Variants in HPGDS observed in about 807,000 individuals in gnomAD.
The protein encoded by HPGDS is GST class-sigma.
A neutral mutation model predicts 23.1 loss-of-function variants in HPGDS; 26 were observed. The ratio of observed to expected loss-of-function variants is 1.13; its 90% confidence interval spans 0.83 to 1.56. HPGDS has a LOEUF of 1.56. Ranked by LOEUF, HPGDS falls within the 40% of genes most tolerant of loss-of-function variation. The probability of loss-of-function intolerance (pLI) is 0.00; values close to 1 mark genes in which losing one functional copy is unlikely to be tolerated. For missense variants in HPGDS, 268 were observed against 236.4 expected (o/e 1.13, Z -0.88); for synonymous variants, 95 against 77.9 (o/e 1.22, Z -1.16).
At chr4:94,332,367 A>G (rs1182690827) in intron 2 of HPGDS, among the ~76,000 whole-genome samples, 1 of 152,206 alleles carries the variant, frequency 6.6e-6, no homozygotes, top group Non-Finnish European at 1.5e-5. Context: ...GAACCAAAAA[A>G]GGCTGTCGCA....
At chr4:94,342,673 T>C (rs1212795040) in intron 1 of HPGDS, 122 bp downstream of exon 1, 1 of 152,170 alleles carries the variant, frequency 6.6e-6, no homozygotes, top group African/African-American at 2.4e-5. Context: ...GTGAGCACCA[T>C]CATGAAAATA....
At chr4:94,312,263 C>T (rs1162826953) in intron 3 of HPGDS, among the ~76,000 whole-genome samples, 2 of 152,086 alleles carry the variant, frequency 1.3e-5, no homozygotes, top group Non-Finnish European at 2.9e-5. Flanking sequence ...CCTGCTTTCT[C>T]TTGTGGGCAT....
chr4:94,321,842 A>G (rs1756515901), intron 2 of HPGDS, among the ~76,000 whole-genome samples: 2 of 152,176 alleles, frequency 1.3e-5, no homozygotes, highest in South Asian at 4.1e-4. Flanking sequence ...GTCTTGTGCC[A>G]GTTTTCAAAG....
intron 2 of HPGDS, among the ~76,000 whole-genome samples, chr4:94,322,528 A>G (rs1354812599): frequency 1.3e-5 from 2 of 152,164 alleles, no homozygotes; most frequent in Non-Finnish European, 2.9e-5. Context: ...CAGTTCTTCT[A>G]GATTTTCTAG....
intron 4 of HPGDS, among the ~76,000 whole-genome samples, chr4:94,307,986 A>G (rs1756170790): frequency 6.6e-6 from 1 of 152,098 alleles, no homozygotes; most frequent in South Asian, 2.1e-4. Context: ...TCAGGTTGAG[A>G]TCCCTTATCC....
At position 94,307,786 on chromosome 4, in the gene HPGDS, C is replaced by T. The variant is rs115690192; in HGVS notation, c.336+848G>A. Reference sequence around the variant, plus strand: ...AAAAGTGAAAAGAAGCAAAAGAAAGCAATTACTAATTTTAAGGAAGAAAAG... The same window carrying T: ...AAAAGTGAAAAGAAGCAAAAGAAAGTAATTACTAATTTTAAGGAAGAAAAG... On this transcript the variant is annotated intron_variant, in intron 4 of 5. Coordinates refer to ENST00000295256, the MANE Select transcript of HPGDS (RefSeq NM_014485.3). 7.9e-3 allele frequency among the ~76,000 whole-genome samples: 1,205 copies of T among 152,134 alleles called. 11 individuals carry two copies. The highest frequency in any genetic ancestry group is 0.027 in the African/African-American group (1,108 of 41,512).
intron 2 of HPGDS, among the ~76,000 whole-genome samples, chr4:94,329,105 A>G (rs1294424379): frequency 6.6e-6 from 1 of 152,194 alleles, no homozygotes; most frequent in South Asian, 2.1e-4. Flanking sequence ...TGTGAACAAG[A>G]AGGAATCAAA....
intron 3 of HPGDS, among the ~76,000 whole-genome samples, chr4:94,312,107 T>A (rs1050811207): frequency 3.3e-5 from 5 of 152,168 alleles, no homozygotes; most frequent in African/African-American, 1.2e-4. Context: ...ATTCATTGAT[T>A]TTTTGAAGGG....
chr4:94,329,427 A>G (rs1320549596), intron 2 of HPGDS, among the ~76,000 whole-genome samples: 2 of 152,200 alleles, frequency 1.3e-5, no homozygotes, highest in Non-Finnish European at 2.9e-5. Flanking sequence ...CAAATTAGTG[A>G]GAGATTTGAA....
intron 1 of HPGDS, among the ~76,000 whole-genome samples, chr4:94,339,717 A>G (rs755599864): frequency 6.6e-6 from 1 of 151,414 alleles, no homozygotes; most frequent in Non-Finnish European, 1.5e-5. Context: ...TACTTTATAG[A>G]ATGCTTGTTA....
At chr4:94,308,605 T>C in intron 4 of HPGDS, 29 bp downstream of exon 4, 1 of 1,184,614 alleles carries the variant, frequency 8.4e-7, no homozygotes. Context: ...ATATAATTAA[T>C]ACTAGGAATA....
In HPGDS at chr4:94,308,650, T is replaced by C. The variant is rs998785129; in HGVS notation, c.320A>G (p.Lys107Arg). The C allele has an allele frequency of 6.3e-7, 1 of 1,591,960 alleles. No homozygotes were observed. The highest frequency in any genetic ancestry group is 1.7e-5 in the Admixed American group (1 of 59,562). The part of the protein sequence containing the change: ...DFMSCFPWAE[K>R]KQDVKEQMFN... Reference sequence around the variant, plus strand: ...TCACATTACTTTCACATCTTGCTTTTTCTCTGCCCAAGGAAAACATGACAT... The same window carrying C: ...TCACATTACTTTCACATCTTGCTTTCTCTCTGCCCAAGGAAAACATGACAT... Residue 107 changes from lysine to arginine, a missense_variant, in exon 4 of 6, where the codon AAA becomes AGA. By Grantham distance (26) the Lys-to-Arg change is conservative. Transcript: ENST00000295256.
At chr4:94,305,124 C>T (rs921243358) in intron 4 of HPGDS, among the ~76,000 whole-genome samples, 2 of 152,076 alleles carry the variant, frequency 1.3e-5, no homozygotes, top group African/African-American at 4.8e-5. Context: ...CACTTCCTAC[C>T]TAGCCATAGG....
At chr4:94,315,490 T>C (rs377034363) in intron 3 of HPGDS, among the ~76,000 whole-genome samples, 33 of 152,320 alleles carry the variant, frequency 2.2e-4, no homozygotes, top group African/African-American at 7.7e-4. Context: ...AGAGGGTTTT[T>C]TTTCTTTTGT....
At chr4:94,341,760 T>G (rs898281466) in intron 1 of HPGDS, among the ~76,000 whole-genome samples, 2 of 152,214 alleles carry the variant, frequency 1.3e-5, no homozygotes, top group African/African-American at 4.8e-5. Context: ...GATCTTAACT[T>G]GCCCAGTAAT....
At chr4:94,308,582 T>C in intron 4 of HPGDS, 52 bp downstream of exon 4, 1 of 891,702 alleles carries the variant, frequency 1.1e-6, no homozygotes. Context: ...TAACACAATG[T>C]CTGGCAGGTG....
intron 4 of HPGDS, among the ~76,000 whole-genome samples, chr4:94,305,688 C>T (rs79337729): frequency 1.6e-3 from 243 of 152,110 alleles, no homozygotes; most frequent in African/African-American, 5.4e-3. Context: ...GAGTCAGTGA[C>T]GATTTGAATT....
intron 4 of HPGDS, among the ~76,000 whole-genome samples, chr4:94,308,286 A>G (rs1262190678): frequency 6.6e-6 from 1 of 152,108 alleles, no homozygotes; most frequent in Non-Finnish European, 1.5e-5. Flanking sequence ...TGGACTTCAG[A>G]CTTTCAGGTT....
chr4:94,318,291 A>G (rs533168726), intron 2 of HPGDS, among the ~76,000 whole-genome samples: 10 of 152,186 alleles, frequency 6.6e-5, no homozygotes, highest in Admixed American at 1.3e-4. Flanking sequence ...TTGCAGCCTC[A>G]ATTGCAGATT....
Sources: allele counts gnomAD v4.1 joint callset (sites outside exome capture counted in the v4.1 genomes callset), GRCh38; gene constraint gnomAD v4.1.1; transcripts MANE v1.5; gene names NCBI Gene and HGNC (gene_info 2026-07-23, HGNC 2026-07-21).